Variants in SSBP2 observed in about 807,000 individuals in gnomAD.
SSBP2 encodes single stranded DNA binding protein 2.
SSBP2 carries 17 observed loss-of-function variants against 61.8 expected under a neutral mutation model. The observed-to-expected ratio is 0.28, with a 90% CI of 0.19 to 0.41. The LOEUF (loss-of-function observed/expected upper bound fraction) is 0.41, where lower values mean the gene tolerates loss of function less well. Among genes scored for constraint, SSBP2 ranks in the 10% least tolerant of loss-of-function variants. SSBP2 has a pLI of 1.00. For missense variants in SSBP2, 310 were observed against 458.7 expected, an observed-to-expected ratio of 0.68 and a Z score of 2.96; for synonymous variants, 139 against 141.3, an observed-to-expected ratio of 0.98 and a Z score of 0.12.
At chr5:81,687,551 T>A (rs1238408769) in intron 1 of SSBP2, among the ~76,000 whole-genome samples, 1 of 152,102 alleles carries the variant, frequency 6.6e-6, no homozygotes, top group Non-Finnish European at 1.5e-5. Context: ...CCTCCCTCAA[T>A]CAACCCCAGG....
At chr5:81,692,664 G>A (rs1426180691) in intron 1 of SSBP2, among the ~76,000 whole-genome samples, 1 of 152,066 alleles carries the variant, frequency 6.6e-6, no homozygotes, top group Non-Finnish European at 1.5e-5. Flanking sequence ...CAGACACACA[G>A]ACCAATGAAA....
intron 4 of SSBP2, among the ~76,000 whole-genome samples, chr5:81,532,255 T>C (rs1435421515): frequency 2.0e-5 from 3 of 152,106 alleles, no homozygotes; most frequent in Admixed American, 6.6e-5. Context: ...ATAATACTAT[T>C]TTATAAAGCA....
chr5:81,627,773 A>G (rs918896746), intron 3 of SSBP2, among the ~76,000 whole-genome samples: 1 of 152,206 alleles, frequency 6.6e-6, no homozygotes, highest in African/African-American at 2.4e-5. Context: ...AAAATGAGGT[A>G]TAGGCTGGTT....
chr5:81,716,207 CA>C (rs1007987581), intron 1 of SSBP2, among the ~76,000 whole-genome samples: 6 of 151,010 alleles, frequency 4.0e-5, no homozygotes, highest in East Asian at 2.0e-4. Context: ...CAATAAACAC[CA>C]AAAAAAATCA....
intron 1 of SSBP2, among the ~76,000 whole-genome samples, chr5:81,694,540 GT>G (rs993549984): frequency 2.7e-5 from 4 of 150,534 alleles, no homozygotes; most frequent in Non-Finnish European, 5.9e-5. Context: ...GGCTTTAGAA[GT>G]TTTTTTTTTC....
intron 1 of SSBP2, among the ~76,000 whole-genome samples, chr5:81,709,973 T>C (rs567683935): frequency 6.6e-6 from 1 of 152,160 alleles, no homozygotes; most frequent in Non-Finnish European, 1.5e-5. Flanking sequence ...TCAATACTTT[T>C]GAATATCTGA....
chr5:81,500,120 G>A (rs1484916117), intron 5 of SSBP2, among the ~76,000 whole-genome samples: 1 of 152,084 alleles, frequency 6.6e-6, no homozygotes, highest in African/African-American at 2.4e-5. Context: ...TATTCATTTG[G>A]TTACTTATAG....
intron 1 of SSBP2, among the ~76,000 whole-genome samples, chr5:81,652,219 T>C (rs187300191): frequency 2.6e-5 from 4 of 152,278 alleles, no homozygotes; most frequent in African/African-American, 4.8e-5. Context: ...TGTGGCTGTG[T>C]CCTTTCAATA....
At chr5:81,729,975 T>G (rs1203969106) in intron 1 of SSBP2, among the ~76,000 whole-genome samples, 6 of 152,140 alleles carry the variant, frequency 3.9e-5, no homozygotes, top group African/African-American at 1.4e-4. Context: ...GGATTGACCC[T>G]TAATTATTAA....
intron 4 of SSBP2, among the ~76,000 whole-genome samples, chr5:81,575,607 A>C (rs1373424269): frequency 6.6e-6 from 1 of 152,176 alleles, no homozygotes. Context: ...AGGAAGGAAC[A>C]GGAAACAGAA....
At chr5:81,605,837 GA>G (rs1561596056) in intron 4 of SSBP2, among the ~76,000 whole-genome samples, 2 of 152,190 alleles carry the variant, frequency 1.3e-5, no homozygotes, top group African/African-American at 4.8e-5. Flanking sequence ...AATGATGGGA[GA>G]GCTTTCAGAG....
chr5:81,423,864 C>T (rs1580639245), intron 16 of SSBP2, among the ~76,000 whole-genome samples: 1 of 152,150 alleles, frequency 6.6e-6, no homozygotes, highest in East Asian at 1.9e-4. Context: ...ATATGTCAAG[C>T]TATACATACG....
intron 13 of SSBP2, 61 bp downstream of exon 13, chr5:81,442,592 A>G: frequency 1.2e-6 from 1 of 856,456 alleles, no homozygotes; most frequent in Non-Finnish European, 1.9e-6. Context: ...AGGACATGGA[A>G]TGCACTCAGA....
chr5:81,477,109 T>G (rs563574134), intron 6 of SSBP2, among the ~76,000 whole-genome samples: 2 of 152,272 alleles, frequency 1.3e-5, no homozygotes, highest in Admixed American at 1.3e-4. Flanking sequence ...ATACTTCTTC[T>G]GACCTAGGCT....
intron 6 of SSBP2, among the ~76,000 whole-genome samples, chr5:81,484,326 T>C (rs181474399): frequency 6.6e-6 from 1 of 152,258 alleles, no homozygotes; most frequent in East Asian, 1.9e-4. Context: ...CTTAATTGTA[T>C]CAAAAACCTT....
chr5:81,676,251 G>A (rs1751971341), intron 1 of SSBP2, among the ~76,000 whole-genome samples: 1 of 152,022 alleles, frequency 6.6e-6, no homozygotes, highest in Non-Finnish European at 1.5e-5. Context: ...ATCTTATTTG[G>A]CAATGTCCTC....
chr5:81,514,684 A>G (rs1404557194), intron 4 of SSBP2, among the ~76,000 whole-genome samples: 2 of 151,990 alleles, frequency 1.3e-5, no homozygotes, highest in Non-Finnish European at 2.9e-5. Context: ...ATCTTCACCT[A>G]TATTTCAGTG....
At position 81,572,135 on chromosome 5, in the gene SSBP2, GCCTACTAC is replaced by G. The variant is rs1215083875; in HGVS notation, c.282+43330_282+43337del. On this transcript the variant is annotated intron_variant, in intron 4 of 16. Transcript: ENST00000320672. ...ATTTTACTTTCACAGCATTTTGATG[GCCTACTAC>G]ATATGTACTTTCTAAAGAATATAAG... Among the ~76,000 whole-genome samples the G allele has an allele frequency of 1.3e-4, 20 of 152,176 alleles. No homozygotes were observed. In the South Asian group the frequency reaches 2.9e-3, roughly 22 times the overall value.
At chr5:81,604,404 A>ATT (rs1744677000) in intron 4 of SSBP2, among the ~76,000 whole-genome samples, 1 of 152,122 alleles carries the variant, frequency 6.6e-6, no homozygotes, top group African/African-American at 2.4e-5. Flanking sequence ...CAACTAAGTT[A>ATT]GCCAAAATGT....
Sources: allele counts gnomAD v4.1 joint callset (sites outside exome capture counted in the v4.1 genomes callset), GRCh38; gene constraint gnomAD v4.1.1; transcripts MANE v1.5; gene names NCBI Gene and HGNC (gene_info 2026-07-23, HGNC 2026-07-21).